Variants in NKAIN3 observed in about 807,000 individuals in gnomAD.
NKAIN3 encodes sodium/potassium transporting ATPase interacting 3, also known as sodium/potassium-transporting ATPase subunit beta-1-interacting protein 3.
NKAIN3 carries 25 observed loss-of-function variants against 30.2 expected under a neutral mutation model. The ratio of observed to expected loss-of-function variants is 0.83; its 90% CI spans 0.60 to 1.16. The LOEUF (loss-of-function observed/expected upper bound fraction) is 1.16, where lower values mean the gene tolerates loss of function less well. Among genes scored for constraint, NKAIN3 ranks in the 50% most tolerant of loss-of-function variants. The probability of loss-of-function intolerance (pLI) is 0.00; values close to 1 mark genes in which losing one functional copy is unlikely to be tolerated. For missense variants in NKAIN3, 225 were observed against 254.1 expected, an observed-to-expected ratio of 0.89 and a Z score of 0.78; for synonymous variants, 91 against 89.6, an observed-to-expected ratio of 1.02 and a Z score of -0.09.
At chr8:62,569,884 GAA>G (rs1809879736) in intron 1 of NKAIN3, among the ~76,000 whole-genome samples, 4 of 152,262 alleles carry the variant, frequency 2.6e-5, no homozygotes. Context: ...ACACTTTAAG[GAA>G]AGAGTTGATT....
chr8:62,553,750 C>T (rs890984801), intron 1 of NKAIN3, among the ~76,000 whole-genome samples: 8 of 151,978 alleles, frequency 5.3e-5, no homozygotes, highest in African/African-American at 2.4e-5. Context: ...GTTGGCCAGG[C>T]TGGTCTTGAA....
intron 5 of NKAIN3, among the ~76,000 whole-genome samples, chr8:62,936,171 C>T (rs1822781534): frequency 6.6e-6 from 1 of 152,096 alleles, no homozygotes; most frequent in Non-Finnish European, 1.5e-5. Flanking sequence ...AGAACTTGGC[C>T]ATCTTCGTGA....
chr8:62,426,882 A>C (rs1804824273), intron 1 of NKAIN3, among the ~76,000 whole-genome samples: 1 of 151,980 alleles, frequency 6.6e-6, no homozygotes, highest in Non-Finnish European at 1.5e-5. Context: ...ATTATGTGCT[A>C]CCCACATCAG....
At chr8:62,413,645 A>G (rs1804335883) in intron 1 of NKAIN3, among the ~76,000 whole-genome samples, 1 of 152,194 alleles carries the variant, frequency 6.6e-6, no homozygotes, top group Non-Finnish European at 1.5e-5. Context: ...GGAAAAAACT[A>G]AAGTATAAAA....
intron 1 of NKAIN3, among the ~76,000 whole-genome samples, chr8:62,451,208 G>A (rs547619780): frequency 2.0e-5 from 3 of 151,470 alleles, no homozygotes; most frequent in South Asian, 2.1e-4. Context: ...TCATTGAATC[G>A]CCTTCTCTTC....
At chr8:62,422,115 T>C (rs1453046455) in intron 1 of NKAIN3, among the ~76,000 whole-genome samples, 1 of 152,182 alleles carries the variant, frequency 6.6e-6, no homozygotes, top group African/African-American at 2.4e-5. Context: ...TGTCAAGTTA[T>C]TTTGTTTGGG....
intron 3 of NKAIN3, among the ~76,000 whole-genome samples, chr8:62,659,441 A>G (rs147795673): frequency 6.6e-6 from 1 of 152,332 alleles, no homozygotes; most frequent in Non-Finnish European, 1.5e-5. Flanking sequence ...AATACCTTAG[A>G]GCCTTACATA....
intron 3 of NKAIN3, among the ~76,000 whole-genome samples, chr8:62,727,592 T>C (rs1248658329): frequency 6.6e-6 from 1 of 152,098 alleles, no homozygotes; most frequent in East Asian, 1.9e-4. Flanking sequence ...ACAATACCAT[T>C]TGCAGTAGCA....
intron 3 of NKAIN3, among the ~76,000 whole-genome samples, chr8:62,708,321 G>A (rs1326553875): frequency 6.6e-6 from 1 of 152,120 alleles, no homozygotes; most frequent in African/African-American, 2.4e-5. Flanking sequence ...TGTCAGTATG[G>A]CCACTTTCAC....
intron 3 of NKAIN3, among the ~76,000 whole-genome samples, chr8:62,687,413 G>A (rs565730076): frequency 6.6e-6 from 1 of 152,298 alleles, no homozygotes; most frequent in South Asian, 2.1e-4. Flanking sequence ...GTCCTGAGGA[G>A]CCAAGTTGCC....
At chr8:62,604,477 T>A (rs1811067795) in intron 3 of NKAIN3, among the ~76,000 whole-genome samples, 1 of 152,162 alleles carries the variant, frequency 6.6e-6, no homozygotes, top group South Asian at 2.1e-4. Flanking sequence ...AGTTTTTGTC[T>A]GAAACTTTCA....
intron 4 of NKAIN3, among the ~76,000 whole-genome samples, chr8:62,897,354 C>T (rs1283752100): frequency 7.7e-6 from 1 of 129,116 alleles, no homozygotes; most frequent in East Asian, 2.5e-4. Flanking sequence ...CTTATGGAAA[C>T]AAATCTGTTG....
intron 1 of NKAIN3, among the ~76,000 whole-genome samples, chr8:62,249,498 G>A (rs1042647747): frequency 1.3e-5 from 2 of 152,238 alleles, no homozygotes; most frequent in Non-Finnish European, 1.5e-5. Context: ...GTTACACGGG[G>A]ACTTGCGGGC....
intron 3 of NKAIN3, among the ~76,000 whole-genome samples, chr8:62,684,714 A>G (rs569534839): frequency 1.3e-5 from 2 of 152,356 alleles, no homozygotes; most frequent in African/African-American, 4.8e-5. Context: ...ATTTAGAGAC[A>G]ATATCTTTAA....
At chr8:62,641,388 G>A (rs1188116207) in intron 3 of NKAIN3, among the ~76,000 whole-genome samples, 2 of 151,266 alleles carry the variant, frequency 1.3e-5, no homozygotes, top group African/African-American at 4.9e-5. Flanking sequence ...CAGGAAAGCT[G>A]AACTCTGTTT....
chr8:62,778,931 A>G (rs1817268728), intron 4 of NKAIN3, among the ~76,000 whole-genome samples: 2 of 152,098 alleles, frequency 1.3e-5, no homozygotes, highest in Admixed American at 1.3e-4. Context: ...CAGGCCATGA[A>G]TCTTGCCAGG....
chr8:62,875,503 CCT>C (rs1176962242), intron 4 of NKAIN3, among the ~76,000 whole-genome samples: 3 of 150,872 alleles, frequency 2.0e-5, no homozygotes, highest in African/African-American at 7.3e-5. Context: ...GAATCAAACA[CCT>C]CGTATAGTCA....
chr8:62,496,514 C>G (rs1682687566), intron 1 of NKAIN3, among the ~76,000 whole-genome samples: 1 of 152,116 alleles, frequency 6.6e-6, no homozygotes, highest in Non-Finnish European at 1.5e-5. Flanking sequence ...TCTCCATCTT[C>G]CTTATTGATT....
At chr8:62,676,159 GAGTA>G (rs1813468775) in intron 3 of NKAIN3, among the ~76,000 whole-genome samples, 1 of 152,298 alleles carries the variant, frequency 6.6e-6, no homozygotes, top group African/African-American at 2.4e-5. Flanking sequence ...AGCTCAGAGA[GAGTA>G]AGTAACTTGT....
Sources: allele counts gnomAD v4.1 joint callset (sites outside exome capture counted in the v4.1 genomes callset), GRCh38; gene constraint gnomAD v4.1.1; transcripts MANE v1.5; gene names NCBI Gene and HGNC (gene_info 2026-07-23, HGNC 2026-07-21).